Variants in STAT5A observed in about 807,000 individuals in gnomAD.
The protein encoded by STAT5A is signal transducer and activator of transcription 5A.
STAT5A carries 26 observed loss-of-function variants against 100.2 expected under a neutral mutation model. That is an observed-to-expected ratio of 0.26 (90% CI 0.19 to 0.36). The LOEUF (loss-of-function observed/expected upper bound fraction) is 0.36, where lower values mean the gene tolerates loss of function less well. Ranked by LOEUF, STAT5A falls within the 10% of genes least tolerant of loss-of-function variation. The pLI is 1.00. For synonymous variants in STAT5A, 330 were observed against 424.3 expected, an observed-to-expected ratio of 0.78 and a Z score of 2.73; for missense variants, 634 against 1,027.5, an observed-to-expected ratio of 0.62 and a Z score of 5.24.
chr17:42,295,313 T>G (rs1389450901), intron 4 of STAT5A, among the ~76,000 whole-genome samples: 1 of 152,076 alleles, frequency 6.6e-6, no homozygotes, highest in Admixed American at 6.5e-5. Context: ...GGGAGGAAAT[T>G]AGATGGACCC....
In STAT5A at chr17:42,305,734, C is replaced by A. The variant is rs201693927; in HGVS notation, c.1473+32C>A. 2.4e-4 allele frequency: 386 copies of A among 1,609,560 alleles called. No individual in the cohort carries two copies. The Middle Eastern group carries it at 4.5e-3, about 19-fold the overall frequency. On this transcript the variant is annotated intron_variant, in intron 12 of 18. Transcript: ENST00000590949. ...CCCCGTGGGAGCCCTACCCCAGCAC[C>A]CCCAGGCCCTAGGACTCACCTGGGG...
intron 13 of STAT5A, among the ~76,000 whole-genome samples, chr17:42,306,852 T>A (rs2081034016): frequency 6.6e-6 from 1 of 152,100 alleles, no homozygotes. Flanking sequence ...CCTGAGTAGC[T>A]GGAATTATAG....
At position 42,304,577 on chromosome 17, in the gene STAT5A, G is replaced by A. The variant is rs2081010863; in HGVS notation, c.1305G>A (p.Val435=). 6.2e-7 allele frequency: 1 copy of A among 1,614,252 alleles called. No homozygotes were observed. Residue 435 remains valine, a synonymous_variant, in exon 11 of 19, where the codon GTG becomes GTA. Coordinates refer to ENST00000590949, the MANE Select transcript of STAT5A (RefSeq NM_001288718.2). The surrounding 1 kb of genome is among the most constrained non-coding windows in gnomAD (Gnocchi z 4.8). ...CTGACCGGCGGGGTGCAGAGTCCGT[G>A]ACAGAGGAGAAGTTCACAGTCCTGT... ...KRADRRGAES[V]TEEKFTVLFE...
chr17:42,308,835 G>T lies in STAT5A; in HGVS notation c.2063-212G>T. ...GAGGGAAATCAGATGGCCAGAAAAA[G>T]AACCAGAAGGAATGGGATTCAAGCC... On this transcript the variant is annotated intron_variant, in intron 16 of 18. Coordinates refer to ENST00000590949, the MANE Select transcript of STAT5A (RefSeq NM_001288718.2). The surrounding 1 kb of genome is among the most constrained non-coding windows in gnomAD (Gnocchi z 4.6). 2 of 618,826 alleles carry T rather than the reference G, an allele frequency of 3.2e-6. No homozygotes were observed. The highest frequency in any genetic ancestry group is 5.7e-6 in the Non-Finnish European group (2 of 351,060). 38.3% of individuals were successfully genotyped at this position (618,826 alleles called of 1,614,324 possible).
At chr17:42,294,687 A>G (rs1390187958) in intron 4 of STAT5A, among the ~76,000 whole-genome samples, 1 of 152,256 alleles carries the variant, frequency 6.6e-6, no homozygotes, top group African/African-American at 2.4e-5. Flanking sequence ...GCCCCAGGGC[A>G]GGAACATGCC....
chr17:42,293,985 TGG>T (rs2080895057), intron 4 of STAT5A, among the ~76,000 whole-genome samples: 1 of 151,940 alleles, frequency 6.6e-6, no homozygotes, highest in African/African-American at 2.4e-5. Context: ...GAGGCCAAGG[TGG>T]GCGGATCACC....
intron 3 of STAT5A, 151 bp from the exon 4 acceptor site, chr17:42,291,821 A>T: frequency 3.0e-6 from 2 of 676,112 alleles, no homozygotes; most frequent in Non-Finnish European, 5.1e-6. Flanking sequence ...AGGATGAGGA[A>T]CAGAGATATA....
intron 13 of STAT5A, among the ~76,000 whole-genome samples, chr17:42,306,959 A>G (rs2081035035): frequency 6.6e-6 from 1 of 151,984 alleles, no homozygotes; most frequent in African/African-American, 2.4e-5. Flanking sequence ...ACCTCAGGTG[A>G]TCCGCCCACC....
chr17:42,289,746 T>C (rs1475948540), intron 2 of STAT5A, 120 bp from the exon 3 acceptor site: 2 of 1,407,620 alleles, frequency 1.4e-6, no homozygotes, highest in Admixed American at 2.9e-5. Flanking sequence ...TGGGAACAAG[T>C]CTTGTGGGCC....
chr17:42,308,029 C>A lies in STAT5A; in HGVS notation c.1907-149C>A. The A allele has an allele frequency of 1.8e-6, 2 of 1,126,442 alleles. No individual in the cohort carries two copies. Among genetic ancestry groups the A allele is most frequent in the Non-Finnish European group, 2.5e-6 (2 of 804,606 alleles). 69.8% of individuals were successfully genotyped at this position (1,126,442 alleles called of 1,614,324 possible). On this transcript the variant is annotated intron_variant, in intron 15 of 18. Coordinates refer to ENST00000590949, the MANE Select transcript of STAT5A (RefSeq NM_001288718.2). The surrounding 1 kb of genome is among the most constrained non-coding windows in gnomAD (Gnocchi z 4.6). ...ATCTGGTTTGCTGAGTAGAACATCC[C>A]GCATCGGCTTTCTTCCCTACAGGCT...
chr17:42,299,727 A>T (rs776835508), intron 5 of STAT5A, 24 bp from the exon 6 acceptor site: 2 of 1,614,016 alleles, frequency 1.2e-6, no homozygotes, highest in African/African-American at 2.7e-5. Context: ...GGTGATGGTC[A>T]TGGTTTCCTC....
Position 42,307,492 on chromosome 17 carries a change from G to T in STAT5A, c.1771G>T (p.Asp591Tyr). 1 of 1,614,100 alleles carries T rather than the reference G, an allele frequency of 6.2e-7. No individual in the cohort carries two copies. The highest frequency in any genetic ancestry group is 8.5e-7 in the Non-Finnish European group (1 of 1,180,020). Residue 591 changes from aspartate to tyrosine, a missense_variant, in exon 14 of 19, where the codon GAT (aspartate) becomes TAT (tyrosine). Physicochemically the swap from Asp to Tyr is radical, Grantham distance 160. Coordinates refer to ENST00000590949, the MANE Select transcript of STAT5A (RefSeq NM_001288718.2). ...GAAGCACCACAAGCCCCACTGGAAT[G>T]ATGGGTAAGGAACGGGGGCTGCAGG... ...LKKHHKPHWN[D>Y]GAILGFVNKQ...
chr17:42,292,495 A>C (rs2080879272), intron 4 of STAT5A, among the ~76,000 whole-genome samples: 1 of 144,596 alleles, frequency 6.9e-6, no homozygotes, highest in East Asian at 2.1e-4. Flanking sequence ...TGCCCGGTTA[A>C]TTTTTTGTAT....
rs1257818183 is a variant in STAT5A, at chr17:42,311,871, T to G, written c.*1202T>G. 1 of 152,632 alleles carries G rather than the reference T, an allele frequency of 6.6e-6. No individual in the cohort carries two copies. The highest frequency in any genetic ancestry group is 1.5e-5 in the Non-Finnish European group (1 of 68,010). The allele number at this position is 152,632 out of a possible 1,614,324, so 9.5% of individuals were successfully genotyped here. A position where few individuals can be genotyped will look rare whatever the true frequency, so the allele number is the denominator to read the frequency against. ...AGGGAGGTGGGGATGAGAAGAGGGGTTTTTTTGTACTTTGTACAAAGACCA... is the reference window on the plus strand; with the variant it reads ...AGGGAGGTGGGGATGAGAAGAGGGGGTTTTTTGTACTTTGTACAAAGACCA... On this transcript the variant is annotated 3_prime_UTR_variant, in exon 19 of 19. Transcript: ENST00000590949.
At chr17:42,299,131 G>A (rs1425605962) in intron 5 of STAT5A, among the ~76,000 whole-genome samples, 2 of 152,154 alleles carry the variant, frequency 1.3e-5, no homozygotes, top group Non-Finnish European at 2.9e-5. Context: ...TCCCTGAAGA[G>A]GCCTTGCTGC....
At position 42,300,762 on chromosome 17, in the gene STAT5A, G is replaced by A. The variant is rs778262335; in HGVS notation, c.881G>A (p.Arg294His). 186 of 1,613,096 alleles carry A rather than the reference G, an allele frequency of 1.2e-4. No homozygotes were observed. The highest frequency in any genetic ancestry group is 1.4e-4 in the Non-Finnish European group (163 of 1,179,732). The change falls in exon 8 of 19, where the codon CGC (arginine) becomes CAC (histidine). Residue 294 changes from arginine to histidine, a missense_variant. Transcript: ENST00000590949. ...EIIWQNRQQI[R>H]RAEHLCQQLP... Reference sequence around the variant, plus strand: ...ATCTGGCAGAACCGGCAGCAGATCCGCAGGGCTGAGCACCTCTGCCAGCAG... The same window carrying A: ...ATCTGGCAGAACCGGCAGCAGATCCACAGGGCTGAGCACCTCTGCCAGCAG...
At chr17:42,293,504 C>G (rs143674458) in intron 4 of STAT5A, among the ~76,000 whole-genome samples, 2 of 152,246 alleles carry the variant, frequency 1.3e-5, no homozygotes, top group African/African-American at 2.4e-5. Context: ...CACGCCCGGC[C>G]TATTACGTAT....
rs1216766935 is a variant in STAT5A, at chr17:42,304,833, C to T, written c.1380+181C>T. Reference sequence around the variant, plus strand: ...TTTAGGCAATGGGCTAAGAAGAAGTCGGTTGTAGTTTTTGTTTGTTTGCTT... The same window carrying T: ...TTTAGGCAATGGGCTAAGAAGAAGTTGGTTGTAGTTTTTGTTTGTTTGCTT... On this transcript the variant is annotated intron_variant, in intron 11 of 18. Coordinates refer to ENST00000590949, the MANE Select transcript of STAT5A (RefSeq NM_001288718.2). This position sits in a 1 kb window ranked among gnomAD's most constrained non-coding sequence, Gnocchi z 4.8. Among the ~76,000 whole-genome samples, 1 of 152,134 alleles carries T rather than the reference C, an allele frequency of 6.6e-6. No homozygotes were observed. Among genetic ancestry groups the T allele is most frequent in the African/African-American group, 2.4e-5 (1 of 41,416 alleles).
rs368728394 is a variant in STAT5A, at chr17:42,299,741, T to C, written c.551-10T>C. ...AGGTGATGGTCATGGTTTCCTCTTC[T>C]CTCCTCTAGCTCAGTTTGCCCAGCT... is the stretch of plus-strand genomic sequence containing the variant. On this transcript the variant is annotated splice_polypyrimidine_tract_variant and intron_variant, in intron 5 of 18. Transcript: ENST00000590949. 7.6e-5 allele frequency: 123 copies of C among 1,613,940 alleles called. No homozygotes were observed. The highest frequency in any genetic ancestry group is 8.2e-5 in the Non-Finnish European group (97 of 1,179,950).
Sources: gnomAD v4.1 joint callset for allele counts (sites outside exome capture counted in the v4.1 genomes callset) on GRCh38, gnomAD v4.1.1 for gene constraint, Gnocchi (gnomAD v3.1) non-coding constraint, MANE v1.5 for transcripts, NCBI Gene and HGNC (gene_info 2026-07-23, HGNC 2026-07-21) for gene names.